Variants in HCRTR1 observed in about 807,000 individuals in gnomAD.
HCRTR1 encodes orexin/Hypocretin receptor type 1.
HCRTR1 carries 28 observed loss-of-function variants against 40.6 expected under a neutral mutation model. The ratio of observed to expected loss-of-function variants is 0.69; its 90% CI spans 0.51 to 0.95. The LOEUF is 0.95. HCRTR1 is among the 40% of genes least tolerant of loss of function. HCRTR1 has a pLI of 0.00. For missense variants in HCRTR1, 482 were observed against 564.7 expected (o/e 0.85, Z 1.48); for synonymous variants, 209 against 230.0 (o/e 0.91, Z 0.83).
Position 31,619,134 on chromosome 1 carries a change from T to C in HCRTR1, c.-59T>C. 1 of 1,489,390 alleles carries C rather than the reference T, an allele frequency of 6.7e-7. No individual in the cohort carries two copies. Among genetic ancestry groups the C allele is most frequent in the Non-Finnish European group, 9.2e-7 (1 of 1,092,436 alleles). The allele number at this position is 1,489,390 out of a possible 1,614,324, so 92.3% of individuals were successfully genotyped here. On this transcript the variant is annotated 5_prime_UTR_variant, in exon 3 of 9. Coordinates refer to ENST00000403528, the MANE Select transcript of HCRTR1 (RefSeq NM_001525.3). ...GAGTGGGCTGAGGGCTGGCCCAAGCTCCCTCCTCTCCCTCTGTAGAGCCTA... is the reference window on the plus strand; with the variant it reads ...GAGTGGGCTGAGGGCTGGCCCAAGCCCCCTCCTCTCCCTCTGTAGAGCCTA...
In HCRTR1 at chr1:31,626,339, G is replaced by A. The variant is rs982728159; in HGVS notation, c.1088-451G>A. On this transcript the variant is annotated intron_variant, in intron 8 of 8. Coordinates refer to ENST00000403528, the MANE Select transcript of HCRTR1 (RefSeq NM_001525.3). The surrounding 1 kb of genome is among the most constrained non-coding windows in gnomAD (Gnocchi z 4.6). The stretch of plus-strand genomic sequence containing the variant: ...GGACTCCAGCCTTTCAGGGTGCTGG[G>A]ATGCTCTGGCGGACAGAGGCTGAGG... Among the ~76,000 whole-genome samples the A allele has an allele frequency of 9.9e-5, 15 of 152,232 alleles. No homozygotes were observed. Among genetic ancestry groups the A allele is most frequent in the African/African-American group, 3.4e-4 (14 of 41,458 alleles).
downstream of HCRTR1, chr1:31,633,085 C>T (rs1425328656): frequency 6.7e-6 from 10 of 1,499,456 alleles, no homozygotes; most frequent in East Asian, 1.6e-4. Context: ...GTCCACCCAC[C>T]CACCTACCCA....
chr1:31,621,147 C>G (rs746839329), intron 5 of HCRTR1, 61 bp downstream of exon 5: 12 of 1,550,602 alleles, frequency 7.7e-6, no homozygotes, highest in African/African-American at 1.4e-5. Context: ...GCACGTACCC[C>G]TAGGACAGGC....
At chr1:31,633,684 A>G (rs1640177477), downstream of HCRTR1, among the ~76,000 whole-genome samples, 1 of 152,192 alleles carries the variant, frequency 6.6e-6, no homozygotes, top group Non-Finnish European at 1.5e-5. Flanking sequence ...GGCCAGGCAC[A>G]GTGGCTCACG....
At position 31,627,022 on chromosome 1, in the gene HCRTR1, C is replaced by T; in HGVS notation, c.*42C>T. 1 of 1,575,364 alleles carries T rather than the reference C, an allele frequency of 6.3e-7. No individual in the cohort carries two copies. Among genetic ancestry groups the T allele is most frequent in the Non-Finnish European group, 8.6e-7 (1 of 1,164,232 alleles). ...AGGCTCCGGCTCGGGGGATCTGCCCCTACCCCTCATGGAAAGACAGCTGGA... is the reference window on the plus strand; with the variant it reads ...AGGCTCCGGCTCGGGGGATCTGCCCTTACCCCTCATGGAAAGACAGCTGGA... On this transcript the variant is annotated 3_prime_UTR_variant, in exon 9 of 9. Transcript: ENST00000403528.
chr1:31,625,267 C>T lies in HCRTR1; in HGVS notation c.1087+149C>T. ...GTGATCCTGCTCTGGGAGGACCCAC[C>T]CCAAGCGGCCCTGGCCTGAGTGGGA... On this transcript the variant is annotated intron_variant, in intron 8 of 8. Coordinates refer to ENST00000403528, the MANE Select transcript of HCRTR1 (RefSeq NM_001525.3). The surrounding 1 kb of genome is among the most constrained non-coding windows in gnomAD (Gnocchi z 4.2). 1.0e-6 allele frequency: 1 copy of T among 994,446 alleles called. No homozygotes were observed. Among genetic ancestry groups the T allele is most frequent in the Non-Finnish European group, 1.4e-6 (1 of 710,724 alleles). 61.6% of individuals were successfully genotyped at this position (994,446 alleles called of 1,614,324 possible). A position where few individuals can be genotyped will look rare whatever the true frequency, so the allele number is the denominator to read the frequency against.
chr1:31,619,466 C>A, intron 3 of HCRTR1, 66 bp from the exon 4 acceptor site: 4 of 1,611,738 alleles, frequency 2.5e-6, no homozygotes, highest in East Asian at 2.2e-5. Context: ...GAGGAGGGCT[C>A]GCTGATTAGG....
chr1:31,632,477 C>T, downstream of HCRTR1: 1 of 1,614,224 alleles, frequency 6.2e-7, no homozygotes, highest in Non-Finnish European at 8.5e-7. Context: ...CCCATCGTGC[C>T]CCGGCCATGA....
chr1:31,630,232 G>T, downstream of HCRTR1: 1 of 265,826 alleles, frequency 3.8e-6, no homozygotes, highest in Non-Finnish European at 7.5e-6. Context: ...GCCTGGTGAG[G>T]GAACACAGGT....
Position 31,625,080 on chromosome 1 carries a change from A to C in HCRTR1, c.1049A>C (p.Asn350Thr). ...FTFSHWLVYA[N>T]SAANPIIYNF... ...TTCTCCCACTGGCTGGTGTACGCCA[A>C]CAGCGCTGCCAACCCCATCATCTAC... Residue 350 changes from asparagine (N) to threonine (T), a missense_variant, in exon 8 of 9, where the codon AAC becomes ACC. Physicochemically the swap from Asn to Thr is moderately conservative, Grantham distance 65. Transcript: ENST00000403528. The surrounding 1 kb of genome is among the most constrained non-coding windows in gnomAD (Gnocchi z 4.2). 6.2e-7 allele frequency: 1 copy of C among 1,612,614 alleles called. No homozygotes were observed. Among genetic ancestry groups the C allele is most frequent in the Non-Finnish European group, 8.5e-7 (1 of 1,179,258 alleles).
rs76500934 is a variant in HCRTR1, at chr1:31,623,564, C to T, written c.780C>T (p.Arg260=). The change falls in exon 7 of 9, where the codon CGC becomes CGT. Residue 260 remains arginine, a synonymous_variant. Coordinates refer to ENST00000403528, the MANE Select transcript of HCRTR1 (RefSeq NM_001525.3). ...CAGCACTGGTGCGGAACTGGAAGCGCCCCTCAGACCAGCTGGGGGACCTGG... is the reference window on the plus strand; with the variant it reads ...CAGCACTGGTGCGGAACTGGAAGCGTCCCTCAGACCAGCTGGGGGACCTGG... ...TTSALVRNWK[R]PSDQLGDLEQ... is the part of the protein sequence containing the mutation. The T allele has an allele frequency of 1.7e-3, 2,737 of 1,613,482 alleles. 48 individuals are homozygous for T. In the South Asian group the frequency reaches 0.023, roughly 14 times the overall value.
At position 31,626,923 on chromosome 1, in the gene HCRTR1, C is replaced by CG; in HGVS notation, c.1221_1222insG (p.Ile408AspfsTer6). ...CCTTGTCCTTGCAGAGCCGATGCTCCATCTCCAAAATCTCTGAGCATGTGG... is the reference window on the plus strand; with the variant it reads ...CCTTGTCCTTGCAGAGCCGATGCTCCGATCTCCAAAATCTCTGAGCATGTGG... On this transcript the variant is annotated frameshift_variant, in exon 9 of 9. Coordinates refer to ENST00000403528, the MANE Select transcript of HCRTR1 (RefSeq NM_001525.3). LOFTEE classifies it high-confidence loss of function. This position sits in a 1 kb window ranked among gnomAD's most constrained non-coding sequence, Gnocchi z 4.6. The CG allele has an allele frequency of 6.2e-7, 1 of 1,613,902 alleles. No individual in the cohort carries two copies. Among genetic ancestry groups the CG allele is most frequent in the Non-Finnish European group, 8.5e-7 (1 of 1,180,026 alleles).
intron 7 of HCRTR1, among the ~76,000 whole-genome samples, chr1:31,624,074 A>T (rs1639921400): frequency 1.3e-5 from 2 of 152,232 alleles, no homozygotes; most frequent in Non-Finnish European, 2.9e-5. Flanking sequence ...TCAGGCAGTG[A>T]TAACTGCTGG....
chr1:31,627,739 C>A (rs1640008595), downstream of HCRTR1: 4 of 224,810 alleles, frequency 1.8e-5, no homozygotes, highest in African/African-American at 6.9e-5. Context: ...ACCTCCCACC[C>A]CCACCACACG....
intron 6 of HCRTR1, among the ~76,000 whole-genome samples, chr1:31,622,394 G>A (rs931586550): frequency 6.6e-6 from 1 of 151,834 alleles, no homozygotes; most frequent in Non-Finnish European, 1.5e-5. Context: ...AGGCCATGCC[G>A]GGCAGCGGAT....
rs1425649709 is a variant in HCRTR1 at position 31,626,568 on chromosome 1, TG to T, written c.1088-220del. Among the ~76,000 whole-genome samples, 1 of 152,120 alleles carries T rather than the reference TG, an allele frequency of 6.6e-6. No homozygotes were observed. Among genetic ancestry groups the T allele is most frequent in the Non-Finnish European group, 1.5e-5 (1 of 68,012 alleles). On this transcript the variant is annotated intron_variant, in intron 8 of 8. Transcript: ENST00000403528. The surrounding 1 kb of genome is among the most constrained non-coding windows in gnomAD (Gnocchi z 4.6). ...GCCAGAGCACAGTCAAGGAATCAGA[TG>T]GCAATTGCGTCTCTCCTTGGGAACC...
At chr1:31,627,960 C>T (rs6703093), downstream of HCRTR1, among the ~76,000 whole-genome samples, 63,977 of 152,188 alleles carry the variant, frequency 0.42, 15,916 homozygotes, top group Non-Finnish European at 0.55. Context: ...CCAAGGCTTG[C>T]GCCTATTTTC....
chr1:31,632,745 A>C, downstream of HCRTR1: 1 of 1,326,252 alleles, frequency 7.5e-7, no homozygotes, highest in Non-Finnish European at 1.0e-6. Context: ...GGAGTAGGCG[A>C]CTTCACAGAA....
downstream of HCRTR1, among the ~76,000 whole-genome samples, chr1:31,631,030 C>T (rs1307143034): frequency 2.0e-5 from 3 of 152,226 alleles, no homozygotes; most frequent in African/African-American, 7.2e-5. Flanking sequence ...TGTCTGGATG[C>T]TCCCCTTAGG....
Sources: gnomAD v4.1 joint callset for allele counts (sites outside exome capture counted in the v4.1 genomes callset) on GRCh38, gnomAD v4.1.1 for gene constraint, Gnocchi (gnomAD v3.1) non-coding constraint, MANE v1.5 for transcripts, NCBI Gene and HGNC (gene_info 2026-07-23, HGNC 2026-07-21) for gene names.